CACNA1F: variants seen among roughly 807,000 people sequenced by gnomAD.
CACNA1F encodes the protein calcium voltage-gated channel subunit alpha1 F.
A neutral mutation model predicts 143.8 loss-of-function variants in CACNA1F; 59 were observed. The ratio of observed to expected loss-of-function variants is 0.41; its 90% CI spans 0.33 to 0.51. The LOEUF is 0.51. Ranked by LOEUF, CACNA1F falls within the 20% of genes least tolerant of loss-of-function variation. CACNA1F has a pLI of 0.22. For synonymous variants in CACNA1F, 643 were observed against 649.1 expected (o/e 0.99, Z 0.14); for missense variants, 1,411 against 1,647.5 (o/e 0.86, Z 2.48).
Position 49,230,130 on chromosome X carries a change from T to C in CACNA1F, c.817+90A>G, listed in dbSNP as rs1307706758. On this transcript the variant is annotated intron_variant, in intron 6 of 47. Transcript: ENST00000323022. The stretch of plus-strand genomic sequence containing the variant: ...ACCTGAGCCTGGGGGCCGAATCTTG[T>C]GCATTTCAGTGGGTTTCCCTGAGTG... 67 of 823,673 alleles carry C rather than the reference T, an allele frequency of 8.1e-5. No individual in the cohort carries two copies. In the Admixed American group the frequency reaches 8.3e-4, roughly 10 times the overall value. The allele number at this position is 823,673 out of a possible 1,213,427, so 67.9% of individuals were successfully genotyped here. A position where few individuals can be genotyped will look rare whatever the true frequency, so the allele number is the denominator to read the frequency against.
At chrX:49,229,237 A>T (rs1557110757) in intron 6 of CACNA1F, among the ~76,000 whole-genome samples, 4 of 109,726 alleles carry the variant, frequency 3.6e-5, no homozygotes. Flanking sequence ...GCTCACTGCA[A>T]CCTCCATCTC....
At chrX:49,230,112 C>G (rs1311610136) in intron 6 of CACNA1F, 108 bp downstream of exon 6, 1 of 700,714 alleles carries the variant, frequency 1.4e-6, no homozygotes, top group Non-Finnish European at 2.1e-6. Flanking sequence ...GGAACCTGAG[C>G]CTGGGGGCCG....
At position 49,226,068 on chromosome X, in the gene CACNA1F, G is replaced by T. The variant is rs781843314; in HGVS notation, c.1492C>A (p.Arg498Ser). 2 of 1,191,556 alleles carry T rather than the reference G, an allele frequency of 1.7e-6. No homozygotes were observed. Among genetic ancestry groups the T allele is most frequent in the Non-Finnish European group, 1.1e-6 (1 of 884,969 alleles). The change falls in exon 13 of 48, where the codon CGC becomes AGC. Residue 498 changes from arginine to serine, a missense_variant and splice_region_variant. Arg to Ser is a moderately radical substitution (Grantham distance 110). Transcript: ENST00000323022. ...LNKIMKTRVC[R>S]RLRRANRVLR... ...ACCCGGTTGGCTCGGCGGAGGCGGC[G>T]GCTGGGGGAAGGGGAGCCCACAGGC...
At chrX:49,229,650 C>T (rs897871191) in intron 6 of CACNA1F, among the ~76,000 whole-genome samples, 1 of 108,917 alleles carries the variant, frequency 9.2e-6, no homozygotes, top group Admixed American at 9.7e-5. Flanking sequence ...GACGGAGTCT[C>T]GCTCTGTCGC....
intron 32 of CACNA1F, 29 bp downstream of exon 32, chrX:49,212,945 A>G: frequency 8.4e-7 from 1 of 1,196,537 alleles, no homozygotes. Flanking sequence ...GAAAAGAAGC[A>G]GAGAGTCCCT....
chrX:49,219,517 T>C (rs1884961652), intron 20 of CACNA1F, 67 bp from the exon 21 acceptor site: 8 of 1,182,188 alleles, frequency 6.8e-6, no homozygotes, highest in Admixed American at 4.8e-5. Context: ...TTCCAAGGGA[T>C]ACAGTTCTGG....
chrX:49,231,256 C>T lies in CACNA1F; in HGVS notation c.327G>A (p.Leu109=). 3 of 1,167,383 alleles carry T rather than the reference C, an allele frequency of 2.6e-6. No individual in the cohort carries two copies. Among genetic ancestry groups the T allele is most frequent in the South Asian group, 1.9e-5 (1 of 52,734 alleles). ...CCTCAGGGAAGGGGATGTAAACTCC[C>T]AGGGCCACGCAGTTGGCAAAGATGG... ...LLTIFANCVA[L]GVYIPFPEDD... The change falls in exon 3 of 48, where the codon CTG becomes CTA. Residue 109 remains leucine (L), a synonymous_variant. Transcript: ENST00000323022.
At position 49,219,450 on chromosome X, in the gene CACNA1F, C is replaced by G; in HGVS notation, c.2544G>C (p.Pro848=). ...SAFFCLSQTN[P]LRKGCHTLIH... ...TGAGGGTGTGGCAGCCCTTCCTCAG[C>G]CTGTGGAGAGGGAGTGGGCCATGGT... Residue 848 remains proline (P), a splice_region_variant and synonymous_variant, in exon 21 of 48, where the codon CCG becomes CCC. Coordinates refer to ENST00000323022, the MANE Select transcript of CACNA1F (RefSeq NM_001256789.3). The G allele has an allele frequency of 1.5e-5, 18 of 1,207,841 alleles. No individual in the cohort carries two copies. Among genetic ancestry groups the G allele is most frequent in the Non-Finnish European group, 1.9e-5 (17 of 893,660 alleles).
At chrX:49,227,837 A>G (rs1249221594) in intron 8 of CACNA1F, among the ~76,000 whole-genome samples, 199 bp downstream of exon 8, 1 of 112,215 alleles carries the variant, frequency 8.9e-6, no homozygotes, top group Non-Finnish European at 1.9e-5. Flanking sequence ...GTCTCTCCCC[A>G]TCAGAATGTA....
chrX:49,218,068 C>T, intron 24 of CACNA1F, 63 bp from the exon 25 acceptor site: 1 of 850,411 alleles, frequency 1.2e-6, no homozygotes, highest in Non-Finnish European at 1.7e-6. Flanking sequence ...GGGGCAGGGA[C>T]TCTGGTCATA....
Position 49,218,536 on chromosome X carries a change from G to A in CACNA1F, c.2847C>T (p.Ser949=), listed in dbSNP as rs1557108018. 5.9e-6 allele frequency: 7 copies of A among 1,191,863 alleles called. No homozygotes were observed. The highest frequency in any genetic ancestry group is 1.8e-5 in the South Asian group (1 of 54,110). The change falls in exon 24 of 48, where the codon AGC becomes AGT. Residue 949 remains serine, a synonymous_variant. Coordinates refer to ENST00000323022, the MANE Select transcript of CACNA1F (RefSeq NM_001256789.3). ...VSLISFGIHS[S]AISVVKILRV... is the part of the protein sequence containing the mutation. The stretch of plus-strand genomic sequence containing the variant: ...GCAGAATCTTCACCACCGAGATGGC[G>A]CTGGAGCTGGGGAAGGGGCAATCCT...
chrX:49,208,808 CAAAT>C (rs2065625887), intron 42 of CACNA1F, 124 bp from the exon 43 acceptor site: 9 of 557,063 alleles, frequency 1.6e-5, no homozygotes, highest in Admixed American at 7.7e-5. Context: ...TGGTAAATGT[CAAAT>C]AAATAAATAC....
chrX:49,228,339 C>T lies in CACNA1F; in HGVS notation c.926G>A (p.Gly309Asp). Residue 309 changes from glycine to aspartate, a missense_variant, in exon 7 of 48, where the codon GGC (glycine) becomes GAC (aspartate). Physicochemically the swap from Gly to Asp is moderately conservative, Grantham distance 94. Transcript: ENST00000323022. ...CRGRWPGPNG[G>D]ITNFDNFFFA... ...GAAGAAGTTGTCAAAGTTGGTGATG[C>T]CTCCATTGGGCCCTGGCCAGCGCCC... is the stretch of plus-strand genomic sequence containing the variant. 1 of 1,211,018 alleles carries T rather than the reference C, an allele frequency of 8.3e-7. No individual in the cohort carries two copies. The highest frequency in any genetic ancestry group is 1.1e-6 in the Non-Finnish European group (1 of 894,599).
At chrX:49,208,415 T>TCCCCCCCCCCCCCC in intron 43 of CACNA1F, 100 bp downstream of exon 43, 1 of 138,733 alleles carries the variant, frequency 7.2e-6, no homozygotes, top group Non-Finnish European at 1.4e-5. Context: ...CTCTAGGCCC[T>TCCCCCCCCCCCCCC]CCCTCCCACC....
intron 31 of CACNA1F, 28 bp downstream of exon 31, chrX:49,213,791 G>A: frequency 1.9e-6 from 2 of 1,054,155 alleles, no homozygotes; most frequent in Non-Finnish European, 2.7e-6. Context: ...TAGGGCGAGA[G>A]TGGATTAGTG....
intron 41 of CACNA1F, 54 bp downstream of exon 41, chrX:49,209,575 T>G: frequency 8.3e-7 from 1 of 1,201,403 alleles, no homozygotes; most frequent in African/African-American, 1.7e-5. Context: ...GGGGTCAGCC[T>G]CAGCCACAGC....
Position 49,220,478 on chromosome X carries a change from C to T in CACNA1F, c.2381G>A (p.Gly794Glu), listed in dbSNP as rs782175237. 7.5e-6 allele frequency: 9 copies of T among 1,206,389 alleles called. No homozygotes were observed. Among genetic ancestry groups the T allele is most frequent in the Admixed American group, 2.2e-5 (1 of 45,633 alleles). ...ACCTGGCCCTGCCCACTTGCCTGCT[C>T]CTTCCCTCCTTGCACCCTCCTCTTC... is the stretch of plus-strand genomic sequence containing the variant. ...KEEEEGARRE[G>E]ADMEEEEEEE... Residue 794 changes from glycine (G) to glutamate (E), a missense_variant, in exon 19 of 48, where the codon GGA becomes GAA. Gly to Glu is a moderately conservative substitution (Grantham distance 98). This residue lies in a region of CACNA1F where 950 missense variants were observed against 1,128.1 expected (regional missense o/e 0.84). Coordinates refer to ENST00000323022, the MANE Select transcript of CACNA1F (RefSeq NM_001256789.3).
chrX:49,230,435 C>A (rs782489753), intron 5 of CACNA1F, 32 bp downstream of exon 5: 16 of 1,206,266 alleles, frequency 1.3e-5, no homozygotes, highest in Non-Finnish European at 1.6e-5. Flanking sequence ...CCCCCACCCT[C>A]CACCTCCGAC....
Position 49,205,115 on chromosome X carries a change from G to A in CACNA1F, c.*22C>T. On this transcript the variant is annotated 3_prime_UTR_variant, in exon 48 of 48. Transcript: ENST00000323022. ...GAGGGGAGGGCAGGAGGTTTATTGA[G>A]CAGTTGGGGAGGGGTGGGAATTCAG... The A allele has an allele frequency of 1.8e-6, 2 of 1,108,348 alleles. No individual in the cohort carries two copies. The highest frequency in any genetic ancestry group is 2.5e-6 in the Non-Finnish European group (2 of 802,539). 91.3% of individuals were successfully genotyped at this position (1,108,348 alleles called of 1,213,427 possible).
Sources: allele counts gnomAD v4.1 joint callset (sites outside exome capture counted in the v4.1 genomes callset), GRCh38; gene constraint gnomAD v4.1.1; regional missense constraint gnomAD v4.1.1; transcripts MANE v1.5; gene names NCBI Gene and HGNC (gene_info 2026-07-23, HGNC 2026-07-21).